Variants in AGBL4 observed in about 807,000 individuals in gnomAD.
The protein encoded by AGBL4 is cytosolic carboxypeptidase 6.
In AGBL4, 58 loss-of-function variants were observed where a neutral mutation model predicts 66.4. The ratio of observed to expected loss-of-function variants is 0.87; its 90% confidence interval spans 0.71 to 1.09. AGBL4 has a LOEUF of 1.09. AGBL4 is among the 50% of genes least tolerant of loss of function. The probability of loss-of-function intolerance (pLI) is 0.00; values close to 1 mark genes in which losing one functional copy is unlikely to be tolerated. For missense variants in AGBL4, 579 were observed against 631.0 expected (o/e 0.92, Z 0.88); for synonymous variants, 234 against 222.9 (o/e 1.05, Z -0.44).
intron 5 of AGBL4, among the ~76,000 whole-genome samples, chr1:48,977,146 A>C (rs931009118): frequency 2.0e-5 from 3 of 152,138 alleles, no homozygotes; most frequent in Non-Finnish European, 2.9e-5. Context: ...CTAACAATGC[A>C]TGAATACCGA....
At chr1:48,638,181 C>A (rs1645698101) in intron 8 of AGBL4, among the ~76,000 whole-genome samples, 1 of 152,116 alleles carries the variant, frequency 6.6e-6, no homozygotes, top group Non-Finnish European at 1.5e-5. Context: ...TTAGAAAATT[C>A]TTCTTTCCTT....
At chr1:49,779,950 C>T (rs138638531) in intron 2 of AGBL4, among the ~76,000 whole-genome samples, 174 of 152,050 alleles carry the variant, frequency 1.1e-3, no homozygotes, top group African/African-American at 4.1e-3. Flanking sequence ...AAAAATTCAA[C>T]TCATCAAATA....
intron 2 of AGBL4, among the ~76,000 whole-genome samples, chr1:49,781,072 T>C (rs1644326404): frequency 6.6e-6 from 1 of 152,076 alleles, no homozygotes; most frequent in African/African-American, 2.4e-5. Flanking sequence ...GCTATACTAA[T>C]ATCAGACAAA....
At chr1:48,915,345 C>T (rs1180936828) in intron 5 of AGBL4, among the ~76,000 whole-genome samples, 1 of 152,188 alleles carries the variant, frequency 6.6e-6, no homozygotes, top group Non-Finnish European at 1.5e-5. Flanking sequence ...TCAAATGCCA[C>T]TGTCTTTGGG....
intron 3 of AGBL4, among the ~76,000 whole-genome samples, chr1:49,285,599 A>G (rs548420039): frequency 6.6e-6 from 1 of 152,292 alleles, no homozygotes; most frequent in South Asian, 2.1e-4. Context: ...TTTTGAAAGG[A>G]TCAACAAAAT....
intron 2 of AGBL4, among the ~76,000 whole-genome samples, chr1:49,707,125 T>A (rs1647264980): frequency 6.6e-6 from 1 of 152,064 alleles, no homozygotes; most frequent in South Asian, 2.1e-4. Context: ...CGTTGATCTG[T>A]CTAATATTGA....
At chr1:48,947,463 C>T (rs1331609798) in intron 5 of AGBL4, among the ~76,000 whole-genome samples, 1 of 152,188 alleles carries the variant, frequency 6.6e-6, no homozygotes, top group Non-Finnish European at 1.5e-5. Context: ...TCTTTGGTTA[C>T]ACTTTCAGGC....
intron 3 of AGBL4, among the ~76,000 whole-genome samples, chr1:49,273,226 G>A (rs1644097183): frequency 6.6e-6 from 1 of 151,920 alleles, no homozygotes; most frequent in African/African-American, 2.4e-5. Context: ...TCTAAATCTG[G>A]CACATGATTA....
At chr1:49,108,266 A>C (rs1645337013) in intron 4 of AGBL4, among the ~76,000 whole-genome samples, 1 of 152,214 alleles carries the variant, frequency 6.6e-6, no homozygotes, top group African/African-American at 2.4e-5. Context: ...TTAGCCATCC[A>C]TTATGTGTTA....
At chr1:49,827,273 T>TA (rs543960873) in intron 2 of AGBL4, among the ~76,000 whole-genome samples, 7 of 151,754 alleles carry the variant, frequency 4.6e-5, no homozygotes, top group Non-Finnish European at 8.8e-5. Context: ...AGAGTAATAA[T>TA]AAAAAAATCA....
At chr1:49,821,955 T>C (rs1240059639) in intron 2 of AGBL4, among the ~76,000 whole-genome samples, 1 of 152,164 alleles carries the variant, frequency 6.6e-6, no homozygotes, top group Non-Finnish European at 1.5e-5. Context: ...AAAGAAAATC[T>C]CACTTACATT....
At chr1:49,821,437 T>C (rs1411610681) in intron 2 of AGBL4, among the ~76,000 whole-genome samples, 1 of 152,194 alleles carries the variant, frequency 6.6e-6, no homozygotes, top group South Asian at 2.1e-4. Flanking sequence ...AAATGCAAAG[T>C]CACCAATATG....
chr1:49,134,873 T>C (rs918420821), intron 4 of AGBL4, among the ~76,000 whole-genome samples: 3 of 152,108 alleles, frequency 2.0e-5, no homozygotes, highest in African/African-American at 4.8e-5. Context: ...TAAATGTCCA[T>C]GAAATTTTCA....
chr1:49,912,128 T>C (rs1182951921), intron 1 of AGBL4, among the ~76,000 whole-genome samples: 1 of 152,210 alleles, frequency 6.6e-6, no homozygotes, highest in Non-Finnish European at 1.5e-5. Context: ...CTCCCCAGCC[T>C]CTGTCCCACA....
intron 3 of AGBL4, among the ~76,000 whole-genome samples, chr1:49,663,940 A>C (rs1646316600): frequency 6.6e-6 from 1 of 152,020 alleles, no homozygotes; most frequent in Non-Finnish European, 1.5e-5. Context: ...AGAGGATATG[A>C]TATTGAGAAC....
intron 3 of AGBL4, among the ~76,000 whole-genome samples, chr1:49,532,913 A>G (rs892807419): frequency 3.9e-5 from 6 of 152,186 alleles, no homozygotes; most frequent in African/African-American, 1.2e-4. Context: ...AATCCACTGC[A>G]GTTTTTCTGC....
chr1:48,692,373 A>G (rs1293408516), intron 6 of AGBL4, among the ~76,000 whole-genome samples: 1 of 152,232 alleles, frequency 6.6e-6, no homozygotes, highest in African/African-American at 2.4e-5. Flanking sequence ...GAAGTCTGCC[A>G]TGCCAGCCTC....
chr1:48,537,874 T>C (rs1643999017), intron 12 of AGBL4, among the ~76,000 whole-genome samples: 1 of 152,226 alleles, frequency 6.6e-6, no homozygotes, highest in Non-Finnish European at 1.5e-5. Context: ...CATTTTCCTC[T>C]AGATGTGAGC....
At chr1:48,681,048 C>T (rs964394175) in intron 6 of AGBL4, among the ~76,000 whole-genome samples, 1 of 152,292 alleles carries the variant, frequency 6.6e-6, no homozygotes. Context: ...GCATGGGAAT[C>T]TACACTTTTA....
Sources: gnomAD v4.1 joint callset for allele counts (sites outside exome capture counted in the v4.1 genomes callset) on GRCh38, gnomAD v4.1.1 for gene constraint, MANE v1.5 for transcripts, NCBI Gene and HGNC (gene_info 2026-07-23, HGNC 2026-07-21) for gene names.